Variants in ADK observed in about 807,000 individuals in gnomAD.
ADK encodes the protein N6,N6-dimethyladenosine kinase.
In ADK, 24 loss-of-function variants were observed where a neutral mutation model predicts 44.7. The observed-to-expected ratio is 0.54, with a 90% confidence interval of 0.39 to 0.76. ADK has a LOEUF of 0.76. ADK is among the 30% of genes least tolerant of loss of function. ADK has a pLI of 0.00. For missense variants in ADK, 321 were observed against 425.1 expected (o/e 0.76, Z 2.15); for synonymous variants, 128 against 142.6 (o/e 0.90, Z 0.73).
intron 4 of ADK, among the ~76,000 whole-genome samples, chr10:74,386,748 C>T (rs1843155215): frequency 6.6e-6 from 1 of 152,134 alleles, no homozygotes; most frequent in Non-Finnish European, 1.5e-5. Flanking sequence ...TGTCGGTATA[C>T]TCCTAATAGT....
intron 3 of ADK, among the ~76,000 whole-genome samples, chr10:74,303,906 TTGCAGTGAGC>T (rs1210537480): frequency 6.6e-6 from 1 of 151,108 alleles, no homozygotes; most frequent in Non-Finnish European, 1.5e-5. Context: ...GAGGTGGAGG[TTGCAGTGAGC>T]TGAGATCGCA....
chr10:74,491,202 C>T (rs1847470953), intron 6 of ADK, among the ~76,000 whole-genome samples: 1 of 152,036 alleles, frequency 6.6e-6, no homozygotes, highest in African/African-American at 2.4e-5. Flanking sequence ...GTGGAAGATA[C>T]TCAGTGAGTG....
intron 3 of ADK, among the ~76,000 whole-genome samples, chr10:74,255,282 C>G (rs995013675): frequency 6.6e-6 from 1 of 152,026 alleles, no homozygotes; most frequent in Non-Finnish European, 1.5e-5. Flanking sequence ...ACCAGTGTGT[C>G]TTAGTTGGTT....
chr10:74,689,482 T>C (rs1290363263), intron 10 of ADK, among the ~76,000 whole-genome samples: 1 of 152,160 alleles, frequency 6.6e-6, no homozygotes, highest in African/African-American at 2.4e-5. Context: ...ATATTAAAGT[T>C]ATCCAGTAGA....
At chr10:74,437,121 AAAAAG>A (rs1845201984) in intron 6 of ADK, among the ~76,000 whole-genome samples, 1 of 152,192 alleles carries the variant, frequency 6.6e-6, no homozygotes, top group South Asian at 2.1e-4. Flanking sequence ...AAGCAAGTGA[AAAAAG>A]AAAAGATAGA....
At chr10:74,307,918 A>T (rs942461877) in intron 3 of ADK, among the ~76,000 whole-genome samples, 11 of 152,156 alleles carry the variant, frequency 7.2e-5, no homozygotes, top group African/African-American at 2.7e-4. Flanking sequence ...TAATTTTGAG[A>T]ACCACTGTCC....
intron 6 of ADK, among the ~76,000 whole-genome samples, chr10:74,456,720 C>G (rs1053605738): frequency 1.1e-4 from 16 of 150,620 alleles, no homozygotes; most frequent in Admixed American, 7.3e-4. Flanking sequence ...ACCACTGCTC[C>G]TGAATGAATA....
intron 4 of ADK, among the ~76,000 whole-genome samples, chr10:74,365,180 C>T (rs1308541915): frequency 8.3e-6 from 1 of 120,226 alleles, no homozygotes; most frequent in Non-Finnish European, 1.9e-5. Context: ...GCATTTACTG[C>T]ATTCACAATG....
In ADK at chr10:74,485,388, G is replaced by A. The variant is rs1847228043; in HGVS notation, c.556-39868G>A. Among the ~76,000 whole-genome samples, 5 of 151,944 alleles carry A rather than the reference G, an allele frequency of 3.3e-5. No individual in the cohort carries two copies. The South Asian group carries it at 1.0e-3, about 32-fold the overall frequency. Reference sequence around the variant, plus strand: ...GAGACGGGAGTATTGCTTGAGCCCAGGATGTCAAGGTTGCAGTGTGGTATG... The same window carrying A: ...GAGACGGGAGTATTGCTTGAGCCCAAGATGTCAAGGTTGCAGTGTGGTATG... On this transcript the variant is annotated intron_variant, in intron 6 of 10. Transcript: ENST00000539909.
At chr10:74,298,535 A>G (rs924139254) in intron 3 of ADK, among the ~76,000 whole-genome samples, 3 of 152,132 alleles carry the variant, frequency 2.0e-5, no homozygotes, top group Admixed American at 1.3e-4. Flanking sequence ...AGAGGATCAC[A>G]TGAGCCCAGG....
chr10:74,265,959 G>T (rs1274021880), intron 3 of ADK, among the ~76,000 whole-genome samples: 1 of 152,000 alleles, frequency 6.6e-6, no homozygotes, highest in Non-Finnish European at 1.5e-5. Context: ...CCAAGTACCT[G>T]GGAAAGATCA....
chr10:74,495,263 T>G (rs1041213203), intron 6 of ADK, among the ~76,000 whole-genome samples: 2 of 152,140 alleles, frequency 1.3e-5, no homozygotes, highest in African/African-American at 4.8e-5. Context: ...GTTGATCCTC[T>G]ATTTTTCATT....
chr10:74,324,419 A>G (rs1248281657), intron 4 of ADK, among the ~76,000 whole-genome samples: 1 of 152,134 alleles, frequency 6.6e-6, no homozygotes, highest in African/African-American at 2.4e-5. Flanking sequence ...TAATTACCCA[A>G]GCCTCTGATA....
intron 6 of ADK, among the ~76,000 whole-genome samples, chr10:74,480,990 C>A (rs566921698): frequency 1.3e-5 from 2 of 151,090 alleles, no homozygotes; most frequent in South Asian, 4.2e-4. Flanking sequence ...TTTGTTATGT[C>A]TTTCTTCTCT....
intron 9 of ADK, among the ~76,000 whole-genome samples, chr10:74,616,170 C>T (rs552257559): frequency 2.2e-4 from 34 of 152,148 alleles, no homozygotes; most frequent in African/African-American, 8.2e-4. Flanking sequence ...TGTGGCTTGC[C>T]TTTTCACTCT....
chr10:74,350,717 A>G (rs1473358185), intron 4 of ADK, among the ~76,000 whole-genome samples: 2 of 152,200 alleles, frequency 1.3e-5, no homozygotes, highest in African/African-American at 4.8e-5. Context: ...GACACAATAA[A>G]AAATTATAAA....
At position 74,360,634 on chromosome 10, in the gene ADK, A is replaced by G. The variant is rs549132579; in HGVS notation, c.274-33507A>G. Among the ~76,000 whole-genome samples, 7 of 152,228 alleles carry G rather than the reference A, an allele frequency of 4.6e-5. No homozygotes were observed. In the South Asian group the frequency reaches 1.5e-3, roughly 32 times the overall value. On this transcript the variant is annotated intron_variant, in intron 4 of 10. Transcript: ENST00000539909. ...TTGGGTACACCAATGTTGGGTGCATATATATTTACTATTGTTATATCCTTT... is the reference window on the plus strand; with the variant it reads ...TTGGGTACACCAATGTTGGGTGCATGTATATTTACTATTGTTATATCCTTT...
chr10:74,538,821 A>C (rs1169877838), intron 7 of ADK, among the ~76,000 whole-genome samples: 1 of 152,148 alleles, frequency 6.6e-6, no homozygotes, highest in Non-Finnish European at 1.5e-5. Flanking sequence ...CTAATAGTTA[A>C]TTAATAATTT....
chr10:74,633,984 A>G (rs4745749), intron 9 of ADK, among the ~76,000 whole-genome samples: 34,574 of 152,148 alleles, frequency 0.23, 5,048 homozygotes, highest in African/African-American at 0.41. Flanking sequence ...TACAGACCTT[A>G]TCCAAATCTC....
Sources: gnomAD v4.1 joint callset for allele counts (sites outside exome capture counted in the v4.1 genomes callset) on GRCh38, gnomAD v4.1.1 for gene constraint, MANE v1.5 for transcripts, NCBI Gene and HGNC (gene_info 2026-07-23, HGNC 2026-07-21) for gene names.